The following VPS13B variants were observed in gnomAD, a reference collection of about 807,000 sequenced individuals.
The protein encoded by VPS13B is intermembrane lipid transfer protein VPS13B.
In VPS13B, 285 loss-of-function variants were observed where a neutral mutation model predicts 426.4. The observed-to-expected ratio is 0.67, with a 90% CI of 0.61 to 0.74. The LOEUF is 0.74. Among genes scored for constraint, VPS13B ranks in the 30% least tolerant of loss-of-function variants. The pLI, the probability that VPS13B is intolerant of heterozygous loss-of-function variation, is 0.00. For synonymous variants in VPS13B, 1,676 were observed against 1,676.4 expected, an observed-to-expected ratio of 1.00 and a Z score of 0.01; for missense variants, 4,537 against 4,782.6, an observed-to-expected ratio of 0.95 and a Z score of 1.51.
At chr8:99,160,725 C>CCACAAA (rs1811606424) in intron 15 of VPS13B, among the ~76,000 whole-genome samples, 1 of 151,414 alleles carries the variant, frequency 6.6e-6, no homozygotes, top group African/African-American at 2.4e-5. Flanking sequence ...TTAGAGGACT[C>CCACAAA]CACAAATAGG....
intron 19 of VPS13B, among the ~76,000 whole-genome samples, chr8:99,355,497 A>G (rs1812135029): frequency 6.6e-6 from 1 of 152,180 alleles, no homozygotes; most frequent in Non-Finnish European, 1.5e-5. Flanking sequence ...AGGCTGAGGC[A>G]GGAGAATCGC....
chr8:99,030,376 C>T (rs1365108859), intron 2 of VPS13B, among the ~76,000 whole-genome samples: 2 of 151,558 alleles, frequency 1.3e-5, no homozygotes, highest in African/African-American at 4.9e-5. Context: ...GGGTTTTCTC[C>T]GGATACTCTG....
At position 99,111,263 on chromosome 8, in the gene VPS13B, T is replaced by C. The variant is rs1251254222; in HGVS notation, c.746T>C (p.Met249Thr). The C allele has an allele frequency of 1.9e-6, 3 of 1,602,462 alleles. No homozygotes were observed. The highest frequency in any genetic ancestry group is 1.1e-5 in the South Asian group (1 of 88,396). The change falls in exon 6 of 62, where the codon ATG (methionine) becomes ACG (threonine). Residue 249 changes from methionine to threonine, a missense_variant. Transcript: ENST00000357162. Reference protein sequence around the residue: ...HFTYENLNSKMPSVIKIHTLV... With the variant: ...HFTYENLNSKTPSVIKIHTLV... ...ACATATGAAAACCTAAATTCCAAGA[T>C]GCCATCTGTTATTAAAGTAGGTATC...
intron 19 of VPS13B, among the ~76,000 whole-genome samples, chr8:99,363,083 A>T (rs1197546111): frequency 6.6e-6 from 1 of 152,134 alleles, no homozygotes; most frequent in Non-Finnish European, 1.5e-5. Flanking sequence ...GCTCAGACCA[A>T]TGTTTTGGAG....
At chr8:99,102,733 T>C (rs1027687786) in intron 4 of VPS13B, among the ~76,000 whole-genome samples, 12 of 152,198 alleles carry the variant, frequency 7.9e-5, no homozygotes, top group African/African-American at 2.9e-4. Context: ...AATACTTCAC[T>C]ATAGAACTTC....
chr8:99,221,785 T>C (rs1371859706), intron 17 of VPS13B, among the ~76,000 whole-genome samples: 2 of 152,156 alleles, frequency 1.3e-5, no homozygotes, highest in African/African-American at 4.8e-5. Context: ...CATAGCTGAC[T>C]GCAAACTTGA....
chr8:99,140,395 G>GTAAATACA (rs968657955), intron 12 of VPS13B, among the ~76,000 whole-genome samples: 1 of 145,604 alleles, frequency 6.9e-6, no homozygotes, highest in Non-Finnish European at 1.5e-5. Context: ...AAAAAAGGAA[G>GTAAATACA]TAAATACAGT....
At chr8:99,816,659 C>T (rs1814058937) in intron 44 of VPS13B, among the ~76,000 whole-genome samples, 1 of 151,734 alleles carries the variant, frequency 6.6e-6, no homozygotes, top group African/African-American at 2.4e-5. Context: ...CAAAAGTTAG[C>T]GAGGTGGGGT....
chr8:99,338,613 A>G (rs1492077), intron 19 of VPS13B, among the ~76,000 whole-genome samples: 108,817 of 152,018 alleles, frequency 0.72, 39,986 homozygotes, highest in South Asian at 0.87. Flanking sequence ...CCTAACATAT[A>G]AAAATGGATT....
intron 17 of VPS13B, among the ~76,000 whole-genome samples, chr8:99,259,446 G>A (rs1264038796): frequency 1.3e-5 from 2 of 152,032 alleles, no homozygotes; most frequent in Non-Finnish European, 2.9e-5. Flanking sequence ...AGTGGATTTG[G>A]ATTTTGATTA....
At chr8:99,750,918 A>G (rs1588682011) in intron 39 of VPS13B, among the ~76,000 whole-genome samples, 5 of 152,062 alleles carry the variant, frequency 3.3e-5, no homozygotes, top group Admixed American at 2.6e-4. Context: ...CTGAATGGAG[A>G]CAAACTGATG....
chr8:99,241,981 CT>C (rs918627778), intron 17 of VPS13B, among the ~76,000 whole-genome samples: 5 of 151,216 alleles, frequency 3.3e-5, no homozygotes, highest in South Asian at 2.1e-4. Flanking sequence ...TAATTGGTTT[CT>C]TTTTTTTTCT....
chr8:99,415,323 T>C (rs560729853), intron 21 of VPS13B, among the ~76,000 whole-genome samples: 3 of 151,982 alleles, frequency 2.0e-5, no homozygotes, highest in Non-Finnish European at 4.4e-5. Flanking sequence ...CTAACCCTTT[T>C]TCCCGGTTCT....
rs1347218901 is a variant in VPS13B, at chr8:99,111,160, C to A, written c.643C>A (p.Arg215=). The A allele has an allele frequency of 6.2e-7, 1 of 1,603,652 alleles. No homozygotes were observed. Among genetic ancestry groups the A allele is most frequent in the Non-Finnish European group, 8.5e-7 (1 of 1,174,850 alleles). ...FSDCTVCLDK[R]NASGKIEFYQ... ...TGACTGTACAGTTTGTCTTGATAAA[C>A]GGAATGCCAGTGGTAAAATAGAATT... The change falls in exon 6 of 62, where the codon CGG becomes AGG. Residue 215 remains arginine, a synonymous_variant. Coordinates refer to ENST00000357162, the MANE Select transcript of VPS13B (RefSeq NM_152564.5).
At chr8:99,776,710 G>A (rs997189124) in intron 40 of VPS13B, 65 bp from the exon 41 acceptor site, 58 of 1,484,508 alleles carry the variant, frequency 3.9e-5, no homozygotes, top group East Asian at 2.5e-4. Flanking sequence ...ATAAAAAGAC[G>A]TTTCACTCAT....
chr8:99,678,461 C>G (rs562200878), intron 35 of VPS13B, among the ~76,000 whole-genome samples: 13 of 152,182 alleles, frequency 8.5e-5, no homozygotes, highest in Admixed American at 7.2e-4. Flanking sequence ...CTTAACTACC[C>G]CCTTCCTCAG....
intron 19 of VPS13B, among the ~76,000 whole-genome samples, chr8:99,373,997 A>C (rs1036212255): frequency 2.6e-5 from 4 of 152,180 alleles, no homozygotes; most frequent in African/African-American, 7.2e-5. Context: ...TCTGAAGACA[A>C]ATTCTATCAT....
At chr8:99,021,186 G>A (rs1232538553) in intron 2 of VPS13B, among the ~76,000 whole-genome samples, 1 of 152,204 alleles carries the variant, frequency 6.6e-6, no homozygotes, top group African/African-American at 2.4e-5. Flanking sequence ...AAGTAGCTAG[G>A]ACAGAGATTG....
In VPS13B at chr8:99,784,427, C is replaced by A. The variant is rs768459862; in HGVS notation, c.7892C>A (p.Ala2631Glu). ...GATACTGATGAAAATATTCTGCTGG[C>A]GAGTCTCCACAGTCACCAGTACAGC... is the stretch of plus-strand genomic sequence containing the variant. ...QVDTDENILL[A>E]SLHSHQYSWR... Residue 2631 changes from alanine to glutamate, a missense_variant, in exon 43 of 62, where the codon GCG becomes GAG. Ala to Glu is a moderately radical substitution (Grantham distance 107, BLOSUM62 -1). Coordinates refer to ENST00000357162, the MANE Select transcript of VPS13B (RefSeq NM_152564.5). 1.2e-6 allele frequency: 2 copies of A among 1,613,530 alleles called. No individual in the cohort carries two copies. The highest frequency in any genetic ancestry group is 2.2e-5 in the East Asian group (1 of 44,876).
Sources: gnomAD v4.1 joint callset for allele counts (sites outside exome capture counted in the v4.1 genomes callset) on GRCh38, gnomAD v4.1.1 for gene constraint, MANE v1.5 for transcripts, NCBI Gene and HGNC (gene_info 2026-07-23, HGNC 2026-07-21) for gene names.